The following EFR3A variants were observed in gnomAD, a reference collection of about 807,000 sequenced individuals.
The protein encoded by EFR3A is EFR3 homolog A.
EFR3A carries 76 observed loss-of-function variants against 104.4 expected under a neutral mutation model. That is an observed-to-expected ratio of 0.73 (90% confidence interval 0.60 to 0.88). The LOEUF is 0.88. Among genes scored for constraint, EFR3A ranks in the 40% least tolerant of loss-of-function variants. The pLI is 0.00. For missense variants in EFR3A, 985 were observed against 1,012.5 expected (o/e 0.97, Z 0.37); for synonymous variants, 330 against 330.0 (o/e 1.00, Z 0.00).
At chr8:132,004,485 C>T (rs1032499785) in intron 22 of EFR3A, among the ~76,000 whole-genome samples, 1 of 152,182 alleles carries the variant, frequency 6.6e-6, no homozygotes, top group African/African-American at 2.4e-5. Context: ...TGAGGTGGAT[C>T]AATTTCATCC....
chr8:131,991,844 C>A (rs939488193), intron 18 of EFR3A, among the ~76,000 whole-genome samples: 5 of 152,036 alleles, frequency 3.3e-5, no homozygotes, highest in Non-Finnish European at 5.9e-5. Flanking sequence ...GGTAGAGGAG[C>A]TTCCACAAAG....
intron 8 of EFR3A, among the ~76,000 whole-genome samples, chr8:131,965,715 A>G (rs1253934997): frequency 6.6e-6 from 1 of 152,050 alleles, no homozygotes; most frequent in South Asian, 2.1e-4. Flanking sequence ...TACTGGGTAT[A>G]TACCCAAAGG....
At position 131,959,679 on chromosome 8, in the gene EFR3A, C is replaced by T; in HGVS notation, c.855+16C>T. The T allele has an allele frequency of 6.3e-7, 1 of 1,579,604 alleles. No homozygotes were observed. Among genetic ancestry groups the T allele is most frequent in the Non-Finnish European group, 8.6e-7 (1 of 1,157,890 alleles). On this transcript the variant is annotated intron_variant, in intron 8 of 22. Coordinates refer to ENST00000254624, the MANE Select transcript of EFR3A (RefSeq NM_015137.6). ...TTCCATTCAGGTAAGGTTTGATTAACTATTTACTGTATTTATATAAGTAAT... is the reference window on the plus strand; with the variant it reads ...TTCCATTCAGGTAAGGTTTGATTAATTATTTACTGTATTTATATAAGTAAT...
chr8:131,978,492 C>G (rs897728411), intron 12 of EFR3A, among the ~76,000 whole-genome samples: 4 of 152,136 alleles, frequency 2.6e-5, no homozygotes, highest in Admixed American at 1.3e-4. Context: ...CTCCTTATAT[C>G]TGTTTTGTAC....
chr8:131,966,554 A>G (rs1819750117), intron 8 of EFR3A, among the ~76,000 whole-genome samples: 1 of 152,202 alleles, frequency 6.6e-6, no homozygotes, highest in Admixed American at 6.5e-5. Context: ...TATACAAATT[A>G]ACTCATTTAA....
chr8:131,946,591 G>A lies in EFR3A; in HGVS notation c.324G>A (p.Leu108=), dbSNP rs753710143. 26 of 1,604,616 alleles carry A rather than the reference G, an allele frequency of 1.6e-5. No individual in the cohort carries two copies. Among genetic ancestry groups the A allele is most frequent in the Non-Finnish European group, 2.0e-5 (24 of 1,175,716 alleles). Residue 108 remains leucine (L), a synonymous_variant, in exon 4 of 23, where the codon CTG becomes CTA. Coordinates refer to ENST00000254624, the MANE Select transcript of EFR3A (RefSeq NM_015137.6). ...ESFLHMVAKL[L]ESGEPKLQVL... ...TTCTTCATATGGTGGCAAAGCTGCT[G>A]GAATCGGGGGAACCAAAGCTTCAAG...
chr8:131,925,947 A>G (rs1586545045), intron 1 of EFR3A, among the ~76,000 whole-genome samples: 1 of 152,106 alleles, frequency 6.6e-6, no homozygotes, highest in South Asian at 2.1e-4. Flanking sequence ...AGATTATTTT[A>G]TTTTAATGTT....
chr8:131,959,891 C>G (rs1819216459), intron 8 of EFR3A, among the ~76,000 whole-genome samples: 1 of 152,226 alleles, frequency 6.6e-6, no homozygotes, highest in Non-Finnish European at 1.5e-5. Context: ...CCCCTCAGAG[C>G]CAAGGCCAAC....
intron 1 of EFR3A, 79 bp from the exon 2 acceptor site, chr8:131,940,420 A>C: frequency 7.5e-7 from 1 of 1,339,492 alleles, no homozygotes. Flanking sequence ...TAGCCCATTA[A>C]TATTCAGAAA....
intron 5 of EFR3A, among the ~76,000 whole-genome samples, chr8:131,952,910 G>A (rs1818779354): frequency 6.6e-6 from 1 of 152,028 alleles, no homozygotes; most frequent in Non-Finnish European, 1.5e-5. Flanking sequence ...ACAATGCTAG[G>A]TAAACTGAAT....
intron 22 of EFR3A, among the ~76,000 whole-genome samples, chr8:132,007,867 C>T (rs1430002415): frequency 1.3e-5 from 2 of 151,766 alleles, no homozygotes; most frequent in African/African-American, 4.8e-5. Context: ...ATATTTTCAA[C>T]AAATGTCCTG....
At chr8:131,975,667 C>T (rs891175933) in intron 10 of EFR3A, among the ~76,000 whole-genome samples, 2 of 152,076 alleles carry the variant, frequency 1.3e-5, no homozygotes, top group African/African-American at 4.8e-5. Context: ...CCGCACACCT[C>T]GGCCTCCCAA....
At chr8:131,989,389 A>G (rs999943240) in intron 18 of EFR3A, among the ~76,000 whole-genome samples, 6 of 152,184 alleles carry the variant, frequency 3.9e-5, no homozygotes, top group African/African-American at 7.2e-5. Context: ...AGTAGCTACC[A>G]TTTATTATGC....
chr8:131,978,709 A>G, intron 12 of EFR3A, 138 bp from the exon 13 acceptor site: 1 of 661,050 alleles, frequency 1.5e-6, no homozygotes, highest in Non-Finnish European at 2.3e-6. Flanking sequence ...ATTACTTTGC[A>G]CATTTCTTTT....
chr8:131,995,741 T>G (rs995314630), intron 18 of EFR3A, among the ~76,000 whole-genome samples: 1 of 152,182 alleles, frequency 6.6e-6, no homozygotes, highest in Non-Finnish European at 1.5e-5. Context: ...TTGTTCAGAC[T>G]GTACAAATGA....
chr8:132,011,084 G>T lies in EFR3A; in HGVS notation c.*189G>T. ...ATATATAATTTCGAGTACTTTCAAAGATAGATTTATGCCATGTTAATTTGC... is the reference window on the plus strand; with the variant it reads ...ATATATAATTTCGAGTACTTTCAAATATAGATTTATGCCATGTTAATTTGC... On this transcript the variant is annotated 3_prime_UTR_variant, in exon 23 of 23. Transcript: ENST00000254624. The T allele has an allele frequency of 8.0e-7, 1 of 1,246,872 alleles. No individual in the cohort carries two copies. Among genetic ancestry groups the T allele is most frequent in the African/African-American group, 1.5e-5 (1 of 66,578 alleles). 77.2% of individuals were successfully genotyped at this position (1,246,872 alleles called of 1,614,324 possible).
intron 7 of EFR3A, among the ~76,000 whole-genome samples, chr8:131,958,181 A>G (rs1046074176): frequency 1.3e-5 from 2 of 152,158 alleles, no homozygotes; most frequent in African/African-American, 4.8e-5. Flanking sequence ...CTTAGGAGAT[A>G]AATATTGTAT....
intron 8 of EFR3A, among the ~76,000 whole-genome samples, chr8:131,964,889 C>G (rs530376657): frequency 0.022 from 2,984 of 135,008 alleles, 42 homozygotes; most frequent in South Asian, 0.054. Context: ...TGGAACAGAA[C>G]AGAGCCCTCA....
intron 1 of EFR3A, among the ~76,000 whole-genome samples, chr8:131,929,079 A>T (rs1233280640): frequency 2.6e-5 from 4 of 152,082 alleles, no homozygotes. Context: ...ATTTGTTTCT[A>T]GTTTAGATCA....
Sources: allele counts gnomAD v4.1 joint callset (sites outside exome capture counted in the v4.1 genomes callset), GRCh38; gene constraint gnomAD v4.1.1; transcripts MANE v1.5; gene names NCBI Gene and HGNC (gene_info 2026-07-23, HGNC 2026-07-21).